The following MED13L variants were observed in gnomAD, a reference collection of about 807,000 sequenced individuals.
MED13L encodes mediator of RNA polymerase II transcription subunit 13-like.
A neutral mutation model predicts 220.9 loss-of-function variants in MED13L; 7 were observed. The ratio of observed to expected loss-of-function variants is 0.03; its 90% CI spans 0.02 to 0.06. The LOEUF is 0.06. MED13L is among the 10% of genes least tolerant of loss of function. The pLI is 1.00. For synonymous variants in MED13L, 1,011 were observed against 1,015.2 expected (o/e 1.00, Z 0.08); for missense variants, 1,965 against 2,760.5 (o/e 0.71, Z 6.46).
intron 4 of MED13L, among the ~76,000 whole-genome samples, chr12:116,037,426 C>T (rs1018026511): frequency 3.3e-5 from 5 of 152,186 alleles, no homozygotes; most frequent in African/African-American, 1.2e-4. Flanking sequence ...CACATTTAGA[C>T]TTGGGTTCCA....
intron 4 of MED13L, among the ~76,000 whole-genome samples, chr12:116,073,272 T>C (rs1266804962): frequency 6.6e-6 from 1 of 152,238 alleles, no homozygotes; most frequent in African/African-American, 2.4e-5. Context: ...TTCTTTCTAC[T>C]GAACTAGAAA....
chr12:116,159,861 A>C (rs1349268654), intron 2 of MED13L, among the ~76,000 whole-genome samples: 4 of 152,222 alleles, frequency 2.6e-5, no homozygotes, highest in African/African-American at 9.6e-5. Context: ...GGGATTATAA[A>C]TGTGCCACAT....
At chr12:116,135,720 T>C (rs544062144) in intron 2 of MED13L, among the ~76,000 whole-genome samples, 1 of 152,246 alleles carries the variant, frequency 6.6e-6, no homozygotes, top group South Asian at 2.1e-4. Context: ...GGAATAGCTA[T>C]TCAAATAGGG....
At position 116,022,500 on chromosome 12, in the gene MED13L, T is replaced by G; in HGVS notation, c.581A>C (p.Glu194Ala). The change falls in exon 5 of 31, where the codon GAG (glutamate) becomes GCG (alanine). Residue 194 changes from glutamate to alanine, a missense_variant. Glu to Ala is a moderately radical substitution (Grantham distance 107). Transcript: ENST00000281928. ...AQHQPIYLINEEHIHMAQSSP... is the reference protein window; with the variant it reads ...AQHQPIYLINAEHIHMAQSSP... The stretch of plus-strand genomic sequence containing the variant: ...AGACTGAGCCATGTGTATATGCTCC[T>G]CATTGATCAAATAAATTGGCTGGTG... 6.2e-7 allele frequency: 1 copy of G among 1,613,840 alleles called. No homozygotes were observed. The highest frequency in any genetic ancestry group is 8.5e-7 in the Non-Finnish European group (1 of 1,179,908).
chr12:116,177,682 C>A (rs1176416180), intron 2 of MED13L, among the ~76,000 whole-genome samples: 1 of 151,996 alleles, frequency 6.6e-6, no homozygotes, highest in Non-Finnish European at 1.5e-5. Flanking sequence ...TGATTATCTA[C>A]CTGAATAGCT....
At chr12:115,973,865 C>A (rs373090312) in intron 25 of MED13L, among the ~76,000 whole-genome samples, 27 of 152,266 alleles carry the variant, frequency 1.8e-4, no homozygotes, top group African/African-American at 6.5e-4. Context: ...AAAACATTTA[C>A]TTAATACATA....
chr12:115,967,148 G>A (rs1013695922), intron 28 of MED13L, among the ~76,000 whole-genome samples: 17 of 109,398 alleles, frequency 1.6e-4, no homozygotes, highest in African/African-American at 5.8e-4. Context: ...TCTAGCTTGA[G>A]CAACAGAGTG....
intron 14 of MED13L, among the ~76,000 whole-genome samples, chr12:115,999,422 T>C (rs1208634400): frequency 6.6e-6 from 1 of 151,692 alleles, no homozygotes; most frequent in African/African-American, 2.4e-5. Context: ...ACGCTTGAAA[T>C]AAATCCATCA....
At chr12:116,186,943 CT>C (rs1565918708) in intron 2 of MED13L, among the ~76,000 whole-genome samples, 1 of 152,200 alleles carries the variant, frequency 6.6e-6, no homozygotes, top group Non-Finnish European at 1.5e-5. Context: ...TCAAACCCAT[CT>C]TTTCTACTGC....
intron 2 of MED13L, among the ~76,000 whole-genome samples, chr12:116,129,681 G>A (rs1035979441): frequency 1.3e-5 from 2 of 152,152 alleles, no homozygotes; most frequent in African/African-American, 4.8e-5. Context: ...GGCCAAGGTG[G>A]GCGGATCACC....
intron 2 of MED13L, among the ~76,000 whole-genome samples, chr12:116,205,144 A>G (rs1882231892): frequency 6.6e-6 from 1 of 152,180 alleles, no homozygotes; most frequent in African/African-American, 2.4e-5. Flanking sequence ...ATGGTGAACA[A>G]AAACGGTGCC....
chr12:116,201,191 T>TG (rs1565925480), intron 2 of MED13L, among the ~76,000 whole-genome samples: 4 of 152,152 alleles, frequency 2.6e-5, no homozygotes, highest in Admixed American at 2.6e-4. Context: ...TTAACTTTCT[T>TG]TAAAGTCCTC....
At chr12:116,203,511 G>GT (rs371262309) in intron 2 of MED13L, among the ~76,000 whole-genome samples, 30 of 152,092 alleles carry the variant, frequency 2.0e-4, no homozygotes, top group African/African-American at 7.2e-4. Flanking sequence ...AAAGACTAGT[G>GT]TAAGTTACCA....
chr12:116,057,822 A>G (rs773264449), intron 4 of MED13L, among the ~76,000 whole-genome samples: 14 of 152,252 alleles, frequency 9.2e-5, no homozygotes, highest in Non-Finnish European at 1.9e-4. Context: ...TAAATTTGGT[A>G]AAGAGACTTA....
At chr12:116,210,091 T>C (rs1469072190) in intron 2 of MED13L, among the ~76,000 whole-genome samples, 1 of 152,072 alleles carries the variant, frequency 6.6e-6, no homozygotes, top group African/African-American at 2.4e-5. Flanking sequence ...GCAACTTACA[T>C]ATGACAAGAG....
intron 2 of MED13L, among the ~76,000 whole-genome samples, chr12:116,166,080 C>G (rs544922703): frequency 6.6e-6 from 1 of 152,314 alleles, no homozygotes; most frequent in South Asian, 2.1e-4. Context: ...AACCACTTTT[C>G]TGGTCAGGCG....
rs74199008 is a variant in MED13L, at chr12:116,253,081, G to A, written c.73-15376C>T. On this transcript the variant is annotated intron_variant, in intron 1 of 30. Coordinates refer to ENST00000281928, the MANE Select transcript of MED13L (RefSeq NM_015335.5). ...GTTCAAAACCAGCCTGGCCAACGTG[G>A]TGAAACCCCGTCTGTACTAAAAATA... Among the ~76,000 whole-genome samples, 536 of 151,846 alleles carry A rather than the reference G, an allele frequency of 3.5e-3. 24 individuals are homozygous for A. In the East Asian group the frequency reaches 0.087, roughly 25 times the overall value.
chr12:116,129,779 C>T (rs1390042619), intron 2 of MED13L, among the ~76,000 whole-genome samples: 2 of 152,062 alleles, frequency 1.3e-5, no homozygotes, highest in South Asian at 2.1e-4. Context: ...CATGGTGGCG[C>T]GTGCCTGTAG....
chr12:116,098,171 G>A (rs61939692), intron 3 of MED13L, among the ~76,000 whole-genome samples: 10,641 of 152,062 alleles, frequency 0.07, 485 homozygotes, highest in Non-Finnish European at 0.11. Flanking sequence ...ACTTGAACCC[G>A]GGAGGCAGAG....
Sources: gnomAD v4.1 joint callset for allele counts (sites outside exome capture counted in the v4.1 genomes callset) on GRCh38, gnomAD v4.1.1 for gene constraint, MANE v1.5 for transcripts, NCBI Gene and HGNC (gene_info 2026-07-23, HGNC 2026-07-21) for gene names.